CPNE8: variants seen among roughly 807,000 people sequenced by gnomAD.
CPNE8 encodes copine 8, also known as copine-8.
Under a neutral mutation model 81.5 loss-of-function variants are expected in CPNE8, and 45 were observed. That is an observed-to-expected ratio of 0.55 (90% CI 0.44 to 0.71). The LOEUF (loss-of-function observed/expected upper bound fraction) is 0.71, where lower values mean the gene tolerates loss of function less well. CPNE8 is among the 30% of genes least tolerant of loss of function. The probability of loss-of-function intolerance (pLI) is 0.00; values close to 1 mark genes in which losing one functional copy is unlikely to be tolerated. For missense variants in CPNE8, 594 were observed against 672.1 expected (o/e 0.88, Z 1.28); for synonymous variants, 252 against 226.3 (o/e 1.11, Z -1.02).
At chr12:38,669,058 A>T (rs930654275) in intron 19 of CPNE8, among the ~76,000 whole-genome samples, 3 of 152,026 alleles carry the variant, frequency 2.0e-5, no homozygotes, top group African/African-American at 4.8e-5. Flanking sequence ...CCTCAAAAAA[A>T]AAAATAAAAT....
At chr12:38,677,237 A>T (rs745969788) in intron 17 of CPNE8, among the ~76,000 whole-genome samples, 16 of 151,998 alleles carry the variant, frequency 1.1e-4, no homozygotes, top group Admixed American at 3.3e-4. Flanking sequence ...TTAGGCAAAA[A>T]TTTTTTTTAA....
At chr12:38,791,239 C>A (rs1722006118) in intron 6 of CPNE8, among the ~76,000 whole-genome samples, 2 of 151,730 alleles carry the variant, frequency 1.3e-5, no homozygotes, top group East Asian at 1.9e-4. Context: ...TTCTCCCAGA[C>A]TTTACCTAGA....
chr12:38,681,406 T>C (rs1284504951), intron 16 of CPNE8, among the ~76,000 whole-genome samples: 1 of 152,148 alleles, frequency 6.6e-6, no homozygotes, highest in Non-Finnish European at 1.5e-5. Flanking sequence ...ACATTCAACA[T>C]AGTATTAAGT....
chr12:38,667,868 G>T (rs1939092854), intron 19 of CPNE8, among the ~76,000 whole-genome samples: 1 of 151,944 alleles, frequency 6.6e-6, no homozygotes. Context: ...TATGATCTCG[G>T]CTCACCGCAA....
intron 3 of CPNE8, among the ~76,000 whole-genome samples, chr12:38,861,214 G>C (rs1018594605): frequency 2.6e-5 from 4 of 152,026 alleles, no homozygotes; most frequent in Non-Finnish European, 4.4e-5. Flanking sequence ...CAGAATGGTG[G>C]GTGCCACTGG....
At chr12:38,746,613 A>T (rs1041800694) in intron 10 of CPNE8, among the ~76,000 whole-genome samples, 3 of 152,212 alleles carry the variant, frequency 2.0e-5, no homozygotes, top group Non-Finnish European at 2.9e-5. Context: ...TGCTAAAAGC[A>T]TCTTTATAAG....
intron 15 of CPNE8, among the ~76,000 whole-genome samples, chr12:38,692,161 T>G (rs151170951): frequency 0.012 from 1,847 of 152,082 alleles, 28 homozygotes; most frequent in Middle Eastern, 0.041. Context: ...GTGTTATGCA[T>G]GCCTGTAATC....
chr12:38,732,914 G>T (rs940798113), intron 10 of CPNE8, among the ~76,000 whole-genome samples: 2 of 151,948 alleles, frequency 1.3e-5, no homozygotes, highest in Non-Finnish European at 2.9e-5. Context: ...TCATGTAAAT[G>T]CAATGCTATC....
chr12:38,827,575 C>G (rs1358895730), intron 6 of CPNE8, among the ~76,000 whole-genome samples: 1 of 152,132 alleles, frequency 6.6e-6, no homozygotes, highest in Non-Finnish European at 1.5e-5. Context: ...AACCTAAATG[C>G]CCACCAATGG....
intron 6 of CPNE8, among the ~76,000 whole-genome samples, chr12:38,814,740 C>A (rs2136994282): frequency 6.6e-6 from 1 of 152,064 alleles, no homozygotes; most frequent in East Asian, 1.9e-4. Flanking sequence ...CTCTATATAA[C>A]TATTAATATA....
Position 38,890,865 on chromosome 12 carries a change from C to T in CPNE8, c.98+14572G>A, listed in dbSNP as rs557067562. On this transcript the variant is annotated intron_variant, in intron 1 of 19. Coordinates refer to ENST00000331366, the MANE Select transcript of CPNE8 (RefSeq NM_153634.3). ...GGGTAGTATTCATGCCCAGATTAAG[C>T]GAATTATCTGTCAACATTTTTATTT... Among the ~76,000 whole-genome samples the T allele has an allele frequency of 1.1e-4, 17 of 149,566 alleles. No homozygotes were observed. In the East Asian group the frequency reaches 3.1e-3, roughly 27 times the overall value.
chr12:38,675,442 C>T (rs10875962), intron 18 of CPNE8, among the ~76,000 whole-genome samples: 117,205 of 152,092 alleles, frequency 0.77, 49,941 homozygotes, highest in Middle Eastern at 0.97. Flanking sequence ...GTACAAACTA[C>T]CTCTAATGAA....
chr12:38,766,456 AT>A (rs1941691946), intron 8 of CPNE8, among the ~76,000 whole-genome samples: 1 of 152,154 alleles, frequency 6.6e-6, no homozygotes, highest in African/African-American at 2.4e-5. Flanking sequence ...TGACACTGAC[AT>A]TTTTACCATC....
At chr12:38,758,973 C>T (rs2136843388) in intron 10 of CPNE8, among the ~76,000 whole-genome samples, 1 of 152,190 alleles carries the variant, frequency 6.6e-6, no homozygotes, top group African/African-American at 2.4e-5. Context: ...ATTTATACCC[C>T]TTGTTTATTA....
upstream of CPNE8, chr12:38,905,700 G>T: frequency 1.4e-6 from 2 of 1,451,622 alleles, no homozygotes; most frequent in South Asian, 1.4e-5. Flanking sequence ...GGACCTCCGC[G>T]CAGAGCCACG....
chr12:38,706,671 A>C (rs1239298349), intron 13 of CPNE8, among the ~76,000 whole-genome samples: 1 of 152,224 alleles, frequency 6.6e-6, no homozygotes, highest in Non-Finnish European at 1.5e-5. Flanking sequence ...ATCAATTTAG[A>C]AGTCCAGTCT....
intron 7 of CPNE8, among the ~76,000 whole-genome samples, chr12:38,770,558 C>T (rs541404430): frequency 2.7e-4 from 41 of 152,298 alleles, no homozygotes; most frequent in African/African-American, 9.6e-4. Flanking sequence ...ACTTAAAATG[C>T]TTTAAGGCTT....
chr12:38,779,853 T>A (rs1942009111), intron 6 of CPNE8, among the ~76,000 whole-genome samples: 1 of 152,026 alleles, frequency 6.6e-6, no homozygotes, highest in African/African-American at 2.4e-5. Flanking sequence ...ATACAAAATA[T>A]AAGCATTTAT....
chr12:38,724,304 CA>C (rs36125706), intron 12 of CPNE8, among the ~76,000 whole-genome samples: 1 of 151,986 alleles, frequency 6.6e-6, no homozygotes, highest in Non-Finnish European at 1.5e-5. Flanking sequence ...TGCTACTCCC[CA>C]AAAAAGTTTA....
Sources: allele counts gnomAD v4.1 joint callset (sites outside exome capture counted in the v4.1 genomes callset), GRCh38; gene constraint gnomAD v4.1.1; transcripts MANE v1.5; gene names NCBI Gene and HGNC (gene_info 2026-07-23, HGNC 2026-07-21).